BTNL8: variants seen among roughly 807,000 people sequenced by gnomAD.
BTNL8 encodes butyrophilin-like protein 8.
In BTNL8, 22 loss-of-function variants were observed where a neutral mutation model predicts 36.1. That is an observed-to-expected ratio of 0.61 (90% CI 0.44 to 0.87). The LOEUF (loss-of-function observed/expected upper bound fraction) is 0.87, where lower values mean the gene tolerates loss of function less well. BTNL8 is among the 40% of genes least tolerant of loss of function. The pLI, the probability that BTNL8 is intolerant of heterozygous loss-of-function variation, is 0.00. For missense variants in BTNL8, 526 were observed against 616.9 expected, an observed-to-expected ratio of 0.85 and a Z score of 1.56; for synonymous variants, 203 against 235.6, an observed-to-expected ratio of 0.86 and a Z score of 1.27.
intron 3 of BTNL8, among the ~76,000 whole-genome samples, chr5:180,937,168 A>G (rs887691377): frequency 2.0e-5 from 3 of 152,182 alleles, no homozygotes; most frequent in Non-Finnish European, 4.4e-5. Flanking sequence ...TGCATCGTCT[A>G]GGACTCCAGG....
At chr5:180,942,249 T>A (rs62406745) in intron 3 of BTNL8, among the ~76,000 whole-genome samples, 31,611 of 152,036 alleles carry the variant, frequency 0.21, 3,883 homozygotes, top group Non-Finnish European at 0.27. Context: ...GGTGAAGATC[T>A]ATACAATAAA....
chr5:180,919,153 T>C lies in BTNL8; in HGVS notation c.673+7539T>C, dbSNP rs143604944. On this transcript the variant is annotated intron_variant, in intron 3 of 7. Transcript: ENST00000340184. ...TATTTTAAATTCTTTCAGGGCCTGC[T>C]ATCTGTCATGTGATGCTATATGATA... Among the ~76,000 whole-genome samples the C allele has an allele frequency of 6.5e-3, 988 of 152,342 alleles. 12 individuals carry two copies. Among genetic ancestry groups the C allele is most frequent in the African/African-American group, 0.023 (937 of 41,568 alleles).
chr5:180,945,503 C>G (rs1479072790), intron 3 of BTNL8, among the ~76,000 whole-genome samples: 3 of 152,050 alleles, frequency 2.0e-5, no homozygotes, highest in Non-Finnish European at 4.4e-5. Flanking sequence ...GCAAAGAAAA[C>G]AGTTAACAAG....
At chr5:180,947,475 C>A in intron 3 of BTNL8, 37 bp from the exon 4 acceptor site, 1 of 1,604,840 alleles carries the variant, frequency 6.2e-7, no homozygotes, top group South Asian at 1.1e-5. Flanking sequence ...GTCTTTTGTT[C>A]ACCAATAACT....
At chr5:180,917,513 A>G (rs1407170541) in intron 3 of BTNL8, among the ~76,000 whole-genome samples, 2 of 152,144 alleles carry the variant, frequency 1.3e-5, no homozygotes, top group Non-Finnish European at 2.9e-5. Context: ...AGACTACGGC[A>G]CTATGAAAAA....
intron 3 of BTNL8, among the ~76,000 whole-genome samples, chr5:180,941,912 C>CTTTTTT (rs1554145496): frequency 6.9e-5 from 10 of 145,074 alleles, no homozygotes; most frequent in African/African-American, 1.0e-4. Flanking sequence ...TTTTACTACT[C>CTTTTTT]TTATTCAACA....
intron 3 of BTNL8, among the ~76,000 whole-genome samples, chr5:180,918,478 TC>T: frequency 6.6e-6 from 1 of 152,226 alleles, no homozygotes; most frequent in East Asian, 1.9e-4. Flanking sequence ...ATAATAAAAG[TC>T]AACAGACTAG....
At chr5:180,942,393 T>A (rs912113367) in intron 3 of BTNL8, among the ~76,000 whole-genome samples, 4 of 152,092 alleles carry the variant, frequency 2.6e-5, no homozygotes, top group Admixed American at 2.6e-4. Context: ...GTCAATGCAA[T>A]CCTTATCAAA....
chr5:180,907,724 T>TTAG (rs1757152883), intron 1 of BTNL8, among the ~76,000 whole-genome samples: 1 of 152,164 alleles, frequency 6.6e-6, no homozygotes, highest in Non-Finnish European at 1.5e-5. Flanking sequence ...TTTCTGTTTG[T>TTAG]TTTCCTTCTA....
intron 3 of BTNL8, among the ~76,000 whole-genome samples, chr5:180,916,670 T>C (rs764395944): frequency 4.6e-5 from 7 of 152,130 alleles, no homozygotes; most frequent in Non-Finnish European, 5.9e-5. Context: ...AAATATAAAA[T>C]GTCATGAGAC....
rs1561950200 is a variant in BTNL8, at chr5:180,949,774, G to A, written c.863-130G>A. ...AGAGGACCTGAAAGGCAGTGTCTGCGGGAGGCTCAGGTCCGGGGCCTCACC... is the reference window on the plus strand; with the variant it reads ...AGAGGACCTGAAAGGCAGTGTCTGCAGGAGGCTCAGGTCCGGGGCCTCACC... On this transcript the variant is annotated intron_variant, in intron 7 of 7. Coordinates refer to ENST00000340184, the MANE Select transcript of BTNL8 (RefSeq NM_001040462.3). 12 of 1,149,450 alleles carry A rather than the reference G, an allele frequency of 1.0e-5. 4 individuals carry two copies. Among genetic ancestry groups the A allele is most frequent in the South Asian group, 6.9e-5 (5 of 72,190 alleles). The allele number at this position is 1,149,450 out of a possible 1,614,324, so 71.2% of individuals were successfully genotyped here. A position where few individuals can be genotyped will look rare whatever the true frequency, so the allele number is the denominator to read the frequency against.
At chr5:180,947,740 G>A in intron 4 of BTNL8, 115 bp downstream of exon 4, 2 of 1,613,808 alleles carry the variant, frequency 1.2e-6, no homozygotes, top group Non-Finnish European at 1.7e-6. Context: ...GCCTCCAGGG[G>A]CCCAGGCCCA....
At chr5:180,942,968 A>G (rs1171472721) in intron 3 of BTNL8, among the ~76,000 whole-genome samples, 3 of 152,084 alleles carry the variant, frequency 2.0e-5, no homozygotes, top group Non-Finnish European at 4.4e-5. Flanking sequence ...GCTTTTGCAC[A>G]ACAAAGGAAA....
intron 3 of BTNL8, among the ~76,000 whole-genome samples, chr5:180,926,326 C>T (rs1317880234): frequency 6.6e-6 from 1 of 152,204 alleles, no homozygotes; most frequent in African/African-American, 2.4e-5. Context: ...GTCTTTGCAA[C>T]TCATAGACCA....
chr5:180,911,629 G>A lies in BTNL8; in HGVS notation c.673+15G>A, dbSNP rs776245269. ...ACAGATAGGAGGTGAGTAGGGAGGGGAGGAGAAGAGAAGGAGGGGTGGATG... is the reference window on the plus strand; with the variant it reads ...ACAGATAGGAGGTGAGTAGGGAGGGAAGGAGAAGAGAAGGAGGGGTGGATG... On this transcript the variant is annotated intron_variant, in intron 3 of 7. Coordinates refer to ENST00000340184, the MANE Select transcript of BTNL8 (RefSeq NM_001040462.3). The A allele has an allele frequency of 7.5e-6, 12 of 1,591,228 alleles. No homozygotes were observed. The highest frequency in any genetic ancestry group is 2.3e-5 in the East Asian group (1 of 44,400).
rs191894487 is a variant in BTNL8 at position 180,946,605 on chromosome 5, G to A, written c.674-907G>A. Reference sequence around the variant, plus strand: ...AGAGTAGAATGTTACCAGAGGCTGGGGCAGAGGGCAAGAGAGAATGGGGAG... The same window carrying A: ...AGAGTAGAATGTTACCAGAGGCTGGAGCAGAGGGCAAGAGAGAATGGGGAG... On this transcript the variant is annotated intron_variant, in intron 3 of 7. Coordinates refer to ENST00000340184, the MANE Select transcript of BTNL8 (RefSeq NM_001040462.3). Among the ~76,000 whole-genome samples, 778 of 152,276 alleles carry A rather than the reference G, an allele frequency of 5.1e-3. 8 individuals carry two copies. Among genetic ancestry groups the A allele is most frequent in the Admixed American group, 0.031 (481 of 15,288 alleles).
intron 3 of BTNL8, among the ~76,000 whole-genome samples, chr5:180,918,275 T>C (rs1415372822): frequency 6.6e-6 from 1 of 152,154 alleles, no homozygotes; most frequent in East Asian, 1.9e-4. Context: ...AAAAGAATAA[T>C]TACAAAGTAC....
At chr5:180,908,195 G>A (rs1337433185) in intron 1 of BTNL8, among the ~76,000 whole-genome samples, 1 of 152,226 alleles carries the variant, frequency 6.6e-6, no homozygotes, top group Non-Finnish European at 1.5e-5. Flanking sequence ...TGAGCCAGGT[G>A]TGGGATATAA....
chr5:180,927,954 C>T lies in BTNL8; in HGVS notation c.673+16340C>T, dbSNP rs1000720839. Among the ~76,000 whole-genome samples the T allele has an allele frequency of 3.3e-5, 5 of 152,036 alleles. No individual in the cohort carries two copies. In the East Asian group the frequency reaches 7.7e-4, roughly 23 times the overall value. ...AACTTCCCCAACCTAGTAAGACAGG[C>T]CAACATTCAAATTCAGGAAATACAG... On this transcript the variant is annotated intron_variant, in intron 3 of 7. Coordinates refer to ENST00000340184, the MANE Select transcript of BTNL8 (RefSeq NM_001040462.3).
Sources: gnomAD v4.1 joint callset for allele counts (sites outside exome capture counted in the v4.1 genomes callset) on GRCh38, gnomAD v4.1.1 for gene constraint, MANE v1.5 for transcripts, NCBI Gene and HGNC (gene_info 2026-07-23, HGNC 2026-07-21) for gene names.